Variants in PTPRD observed in about 807,000 individuals in gnomAD.
The protein encoded by PTPRD is protein tyrosine phosphatase receptor type D.
PTPRD carries 34 observed loss-of-function variants against 214.5 expected under a neutral mutation model. That is an observed-to-expected ratio of 0.16 (90% CI 0.12 to 0.21). The LOEUF (loss-of-function observed/expected upper bound fraction) is 0.21, where lower values mean the gene tolerates loss of function less well. Ranked by LOEUF, PTPRD falls within the 10% of genes least tolerant of loss-of-function variation. The probability of loss-of-function intolerance (pLI) is 1.00; values close to 1 mark genes in which losing one functional copy is unlikely to be tolerated. For missense variants in PTPRD, 2,545 were observed against 2,398.7 expected (o/e 1.06, Z -1.27); for synonymous variants, 1,128 against 845.7 (o/e 1.33, Z -5.79).
intron 11 of PTPRD, among the ~76,000 whole-genome samples, chr9:8,742,473 G>A (rs1415653812): frequency 2.0e-5 from 3 of 152,030 alleles, no homozygotes; most frequent in African/African-American, 4.8e-5. Context: ...AATCAAAACA[G>A]GTTTTCTTAA....
chr9:9,982,863 A>G (rs931552398), intron 4 of PTPRD, among the ~76,000 whole-genome samples: 4 of 152,158 alleles, frequency 2.6e-5, no homozygotes, highest in Non-Finnish European at 4.4e-5. Flanking sequence ...CTTCCTCACA[A>G]ATCAAGCCTG....
chr9:9,899,207 G>C (rs2075791288), intron 5 of PTPRD, among the ~76,000 whole-genome samples: 1 of 151,996 alleles, frequency 6.6e-6, no homozygotes. Context: ...TGTAGGTAGA[G>C]AACCACAAAA....
At chr9:9,998,804 G>A (rs1171479709) in intron 4 of PTPRD, among the ~76,000 whole-genome samples, 1 of 152,144 alleles carries the variant, frequency 6.6e-6, no homozygotes, top group Non-Finnish European at 1.5e-5. Flanking sequence ...GGGAAAGGTA[G>A]CTAACATTTT....
chr9:9,146,144 C>G (rs2099868242), intron 10 of PTPRD, among the ~76,000 whole-genome samples: 1 of 152,134 alleles, frequency 6.6e-6, no homozygotes, highest in South Asian at 2.1e-4. Context: ...ATTTCTCATG[C>G]TGAACAGAAG....
At chr9:10,028,045 T>C (rs923437019) in intron 4 of PTPRD, among the ~76,000 whole-genome samples, 1 of 152,126 alleles carries the variant, frequency 6.6e-6, no homozygotes, top group Non-Finnish European at 1.5e-5. Context: ...TGAATTCCCA[T>C]GTGTTGTGGG....
chr9:9,487,657 A>G (rs1460366545), intron 8 of PTPRD, among the ~76,000 whole-genome samples: 3 of 152,174 alleles, frequency 2.0e-5, no homozygotes, highest in Non-Finnish European at 4.4e-5. Flanking sequence ...TTCAATCATA[A>G]TTATTTATTG....
intron 3 of PTPRD, among the ~76,000 whole-genome samples, chr9:10,188,102 A>C (rs1244547643): frequency 6.6e-6 from 1 of 151,982 alleles, no homozygotes; most frequent in Non-Finnish European, 1.5e-5. Context: ...TATTTCGAAA[A>C]CCCATGGTAT....
intron 10 of PTPRD, among the ~76,000 whole-genome samples, chr9:9,023,159 T>C (rs974175982): frequency 1.3e-5 from 2 of 152,138 alleles, no homozygotes; most frequent in Admixed American, 6.6e-5. Context: ...CAGTGTAAAG[T>C]ACTATAGACT....
intron 3 of PTPRD, among the ~76,000 whole-genome samples, chr9:10,265,441 G>T (rs966210682): frequency 5.9e-5 from 9 of 152,178 alleles, no homozygotes; most frequent in Non-Finnish European, 1.3e-4. Context: ...AGCCATTATA[G>T]AATAACTGCT....
At chr9:8,471,739 G>A (rs1053104390) in intron 30 of PTPRD, among the ~76,000 whole-genome samples, 22 of 151,902 alleles carry the variant, frequency 1.4e-4, no homozygotes, top group African/African-American at 4.6e-4. Flanking sequence ...ACATCTATAC[G>A]AAAAGACAAA....
intron 11 of PTPRD, among the ~76,000 whole-genome samples, chr9:8,893,058 A>G (rs1032971546): frequency 6.6e-6 from 1 of 152,170 alleles, no homozygotes; most frequent in Non-Finnish European, 1.5e-5. Flanking sequence ...AAGAAGTTTG[A>G]TGGTGGATAA....
rs116198661 is a variant in PTPRD, at chr9:10,279,242, G to C, written c.-545+61721C>G. ...CATATGATCATCCACATATAGCAGA[G>C]CTTAACTGAAAAAATATTGAATGTA... is the stretch of plus-strand genomic sequence containing the variant. On this transcript the variant is annotated intron_variant, in intron 3 of 45. Transcript: ENST00000381196. Among the ~76,000 whole-genome samples, 306 of 152,050 alleles carry C rather than the reference G, an allele frequency of 2.0e-3. 3 individuals are homozygous for C. Among genetic ancestry groups the C allele is most frequent in the African/African-American group, 6.7e-3 (277 of 41,382 alleles).
intron 11 of PTPRD, among the ~76,000 whole-genome samples, chr9:8,820,930 CA>C (rs111281973): frequency 8.5e-5 from 13 of 152,126 alleles, no homozygotes; most frequent in African/African-American, 3.1e-4. Flanking sequence ...TGATGTCATA[CA>C]ATCATTTTAA....
At chr9:9,500,756 T>G (rs2154220575) in intron 8 of PTPRD, among the ~76,000 whole-genome samples, 1 of 152,180 alleles carries the variant, frequency 6.6e-6, no homozygotes, top group African/African-American at 2.4e-5. Context: ...TTCTATTCTC[T>G]TAGTTTCTTA....
At chr9:9,591,475 G>A (rs1236839502) in intron 7 of PTPRD, among the ~76,000 whole-genome samples, 2 of 152,012 alleles carry the variant, frequency 1.3e-5, no homozygotes, top group African/African-American at 4.8e-5. Context: ...GAGAATTTAA[G>A]CAGAGGACCC....
chr9:9,578,400 AGAT>A (rs1171753900), intron 7 of PTPRD, among the ~76,000 whole-genome samples: 3 of 152,140 alleles, frequency 2.0e-5, no homozygotes, highest in African/African-American at 4.8e-5. Context: ...TTGGCATCTT[AGAT>A]GGTGATTTCT....
chr9:9,601,326 T>C (rs1048252022), intron 7 of PTPRD, among the ~76,000 whole-genome samples: 1 of 152,090 alleles, frequency 6.6e-6, no homozygotes, highest in Admixed American at 6.6e-5. Context: ...TTGACACTGA[T>C]AGTTGCTAAT....
intron 9 of PTPRD, among the ~76,000 whole-genome samples, chr9:9,186,915 T>C (rs977901758): frequency 2.0e-5 from 3 of 151,902 alleles, no homozygotes; most frequent in Non-Finnish European, 4.4e-5. Flanking sequence ...CTTAGAATAA[T>C]TTTTTTATAT....
chr9:8,974,594 A>G (rs2099257595), intron 11 of PTPRD, among the ~76,000 whole-genome samples: 1 of 151,940 alleles, frequency 6.6e-6, no homozygotes, highest in Admixed American at 6.6e-5. Flanking sequence ...CAGTAGAGGA[A>G]TGGCCATTTC....
Sources: gnomAD v4.1 joint callset for allele counts (sites outside exome capture counted in the v4.1 genomes callset) on GRCh38, gnomAD v4.1.1 for gene constraint, MANE v1.5 for transcripts, NCBI Gene and HGNC (gene_info 2026-07-23, HGNC 2026-07-21) for gene names.